Variants in SFMBT2 observed in about 807,000 individuals in gnomAD.
SFMBT2 encodes the protein Scm like with four mbt domains 2, also known as scm-like with four MBT domains protein 2.
A neutral mutation model predicts 110.1 loss-of-function variants in SFMBT2; 38 were observed. The ratio of observed to expected loss-of-function variants is 0.35; its 90% CI spans 0.27 to 0.45. The LOEUF (loss-of-function observed/expected upper bound fraction) is 0.45. SFMBT2 is among the 20% of genes least tolerant of loss of function. The pLI, the probability that SFMBT2 is intolerant of heterozygous loss-of-function variation, is 1.00. For synonymous variants in SFMBT2, 425 were observed against 425.4 expected (o/e 1.00, Z 0.01); for missense variants, 1,011 against 1,094.9 (o/e 0.92, Z 1.08).
intron 4 of SFMBT2, among the ~76,000 whole-genome samples, chr10:7,354,925 G>A (rs1308217304): frequency 1.3e-5 from 2 of 152,170 alleles, no homozygotes; most frequent in African/African-American, 4.8e-5. Context: ...AGCAATGTTT[G>A]GATGAGTAAT....
upstream of SFMBT2, chr10:7,411,293 G>GCCT (rs1240122810): frequency 6.6e-6 from 1 of 151,812 alleles, no homozygotes; most frequent in African/African-American, 2.4e-5. Context: ...CGCCCACGCG[G>GCCT]CCTCCTCCCC....
At chr10:7,200,366 G>A (rs374398388) in intron 14 of SFMBT2, 48 bp downstream of exon 14, 44 of 1,440,314 alleles carry the variant, frequency 3.1e-5, no homozygotes, top group African/African-American at 1.2e-4. Context: ...CTCTGCTCCC[G>A]GCTGCACGGT....
chr10:7,352,120 G>A (rs187867452), intron 4 of SFMBT2, among the ~76,000 whole-genome samples: 2 of 150,396 alleles, frequency 1.3e-5, no homozygotes, highest in Non-Finnish European at 3.0e-5. Flanking sequence ...TTCCCACCCC[G>A]TATACTGGTC....
chr10:7,334,785 C>T (rs1171279611), intron 4 of SFMBT2, among the ~76,000 whole-genome samples: 2 of 152,316 alleles, frequency 1.3e-5, no homozygotes, highest in East Asian at 1.9e-4. Flanking sequence ...GGCTGCCTTG[C>T]GGAACTCAGC....
At chr10:7,306,609 A>C (rs1296439114) in intron 4 of SFMBT2, among the ~76,000 whole-genome samples, 2 of 152,198 alleles carry the variant, frequency 1.3e-5, no homozygotes, top group African/African-American at 4.8e-5. Flanking sequence ...ACAATGGATC[A>C]GATAATATCT....
rs771987641 is a variant in SFMBT2, at chr10:7,172,661, G to A, written c.1985C>T (p.Thr662Ile). 6.8e-6 allele frequency: 11 copies of A among 1,610,504 alleles called. No individual in the cohort carries two copies. Among genetic ancestry groups the A allele is most frequent in the Non-Finnish European group, 9.3e-6 (11 of 1,178,022 alleles). The stretch of plus-strand genomic sequence containing the variant: ...CTTCTTTCTCTTTCCATAGTAATAG[G>A]CTGTAGGAAGGAAGATGAGAAACTT... ...NCSIHTKTKY[T>I]YYYGKRKKIS... Residue 662 changes from threonine (T) to isoleucine (I), a missense_variant and splice_region_variant, in exon 18 of 21, where the codon ACC (threonine) becomes ATC (isoleucine). Around this residue, in one of 2 missense-constraint regions of SFMBT2, gnomAD observed 979 missense variants for 1,016.1 expected, o/e 0.96. Transcript: ENST00000397167. The surrounding 1 kb of genome is among the most constrained non-coding windows in gnomAD (Gnocchi z 4.6).
chr10:7,392,806 C>G (rs2132107502), intron 1 of SFMBT2, among the ~76,000 whole-genome samples: 1 of 151,582 alleles, frequency 6.6e-6, no homozygotes, highest in South Asian at 2.1e-4. Flanking sequence ...TACCAGAAGT[C>G]TAACTTTTTT....
rs776959680 is a variant in SFMBT2, at chr10:7,172,571, C to T, written c.2075G>A (p.Arg692Lys). 24 of 1,614,230 alleles carry T rather than the reference C, an allele frequency of 1.5e-5. No homozygotes were observed. The highest frequency in any genetic ancestry group is 1.9e-5 in the Non-Finnish European group (23 of 1,180,042). Residue 692 changes from arginine to lysine, a missense_variant, in exon 18 of 21, where the codon AGG becomes AAG. Coordinates refer to ENST00000397167, the MANE Select transcript of SFMBT2 (RefSeq NM_001387889.1). The surrounding 1 kb of genome is among the most constrained non-coding windows in gnomAD (Gnocchi z 4.6). ...CACGAAAATGGATTTCCGTCGCTTC[C>T]TCCGCCTGGCGGGTTTGGGGTGTCC... ...DSGHPKPARR[R>K]KRRKSIFVQK...
chr10:7,194,531 C>T (rs1403022404), intron 15 of SFMBT2, among the ~76,000 whole-genome samples: 2 of 152,150 alleles, frequency 1.3e-5, no homozygotes, highest in Non-Finnish European at 2.9e-5. Flanking sequence ...GTTCAAGTTC[C>T]TAATAACACC....
intron 4 of SFMBT2, among the ~76,000 whole-genome samples, chr10:7,352,566 G>T (rs930921282): frequency 6.6e-6 from 1 of 152,056 alleles, no homozygotes; most frequent in African/African-American, 2.4e-5. Flanking sequence ...CAAAAGAAAA[G>T]AAATGCTATC....
At chr10:7,314,286 C>T (rs1224247216) in intron 4 of SFMBT2, among the ~76,000 whole-genome samples, 2 of 152,254 alleles carry the variant, frequency 1.3e-5, no homozygotes, top group Admixed American at 6.5e-5. Context: ...GTTGTTTCCA[C>T]TTGCTGCCTC....
intron 4 of SFMBT2, among the ~76,000 whole-genome samples, chr10:7,306,328 G>T (rs1842697815): frequency 6.6e-6 from 1 of 152,190 alleles, no homozygotes; most frequent in African/African-American, 2.4e-5. Flanking sequence ...ATTTTTAAAT[G>T]GTTGGAAAAG....
At chr10:7,341,796 G>C (rs1843912792) in intron 4 of SFMBT2, among the ~76,000 whole-genome samples, 1 of 152,206 alleles carries the variant, frequency 6.6e-6, no homozygotes, top group Non-Finnish European at 1.5e-5. Flanking sequence ...AACAAGGATG[G>C]CTTTGAACAG....
At position 7,293,511 on chromosome 10, in the gene SFMBT2, T is replaced by C. The variant is rs1029757127; in HGVS notation, c.437-7557A>G. 6.6e-6 allele frequency among the ~76,000 whole-genome samples: 1 copy of C among 152,132 alleles called. No homozygotes were observed. Among genetic ancestry groups the C allele is most frequent in the East Asian group, 1.9e-4 (1 of 5,200 alleles). ...CTTTCTGGCCCAAGCACTTGAAGAATGGAGTTGCCCTTTACTGAGATGAGG... is the reference window on the plus strand; with the variant it reads ...CTTTCTGGCCCAAGCACTTGAAGAACGGAGTTGCCCTTTACTGAGATGAGG... On this transcript the variant is annotated intron_variant, in intron 4 of 20. Transcript: ENST00000397167. This position sits in a 1 kb window ranked among gnomAD's most constrained non-coding sequence, Gnocchi z 4.6.
intron 4 of SFMBT2, among the ~76,000 whole-genome samples, chr10:7,338,602 C>G (rs1256150270): frequency 2.0e-5 from 3 of 152,294 alleles, no homozygotes; most frequent in African/African-American, 7.2e-5. Flanking sequence ...CTTCACACTA[C>G]ATAGGTGAGG....
At chr10:7,397,090 T>C (rs1468474302) in intron 1 of SFMBT2, among the ~76,000 whole-genome samples, 2 of 152,202 alleles carry the variant, frequency 1.3e-5, no homozygotes, top group Admixed American at 6.5e-5. Flanking sequence ...CATTGTGCAA[T>C]TGGAATCATC....
intron 12 of SFMBT2, chr10:7,202,740 T>G (rs1838998336): frequency 1.0e-6 from 1 of 985,334 alleles, no homozygotes; most frequent in South Asian, 4.7e-5. Flanking sequence ...CTTCGTTCAT[T>G]TAATCTTATC....
In SFMBT2 at chr10:7,172,574, C is replaced by A; in HGVS notation, c.2072G>T (p.Arg691Leu). The A allele has an allele frequency of 6.2e-7, 1 of 1,614,198 alleles. No individual in the cohort carries two copies. The highest frequency in any genetic ancestry group is 1.1e-5 in the South Asian group (1 of 91,084). Residue 691 changes from arginine (R) to leucine (L), a missense_variant, in exon 18 of 21, where the codon CGG (arginine) becomes CTG (leucine). Arg to Leu is a moderately radical substitution (Grantham distance 102). This residue lies in a region of SFMBT2 where 979 missense variants were observed against 1,016.1 expected (regional missense o/e 0.96). Transcript: ENST00000397167. This position sits in a 1 kb window ranked among gnomAD's most constrained non-coding sequence, Gnocchi z 4.6. ...PDSGHPKPAR[R>L]RKRRKSIFVQ... ...GAAAATGGATTTCCGTCGCTTCCTC[C>A]GCCTGGCGGGTTTGGGGTGTCCGCT... is the stretch of plus-strand genomic sequence containing the variant.
intron 4 of SFMBT2, among the ~76,000 whole-genome samples, chr10:7,358,413 T>C (rs574826028): frequency 4.6e-4 from 70 of 151,786 alleles, no homozygotes; most frequent in African/African-American, 1.6e-3. Context: ...GACATCAACA[T>C]GGCCCTAGAA....
Sources: gnomAD v4.1 joint callset for allele counts (sites outside exome capture counted in the v4.1 genomes callset) on GRCh38, gnomAD v4.1.1 for gene constraint, gnomAD v4.1.1 regional missense constraint, Gnocchi (gnomAD v3.1) non-coding constraint, MANE v1.5 for transcripts, NCBI Gene and HGNC (gene_info 2026-07-23, HGNC 2026-07-21) for gene names.